The following SIPA1L3 variants were observed in gnomAD, a reference collection of about 807,000 sequenced individuals.
SIPA1L3 encodes signal-induced proliferation-associated 1-like protein 3.
A neutral mutation model predicts 150.1 loss-of-function variants in SIPA1L3; 59 were observed. The ratio of observed to expected loss-of-function variants is 0.39; its 90% confidence interval spans 0.32 to 0.49. SIPA1L3 has a LOEUF of 0.49. SIPA1L3 is among the 20% of genes least tolerant of loss of function. SIPA1L3 has a pLI of 0.86. For missense variants in SIPA1L3, 2,211 were observed against 2,489.5 expected, an observed-to-expected ratio of 0.89 and a Z score of 2.38; for synonymous variants, 1,070 against 1,077.6, an observed-to-expected ratio of 0.99 and a Z score of 0.14.
chr19:37,934,599 A>G (rs796577419), intron 1 of SIPA1L3, among the ~76,000 whole-genome samples: 41 of 152,270 alleles, frequency 2.7e-4, no homozygotes, highest in African/African-American at 9.1e-4. Flanking sequence ...AAGAAAGACA[A>G]TTCTTTTTAA....
intron 4 of SIPA1L3, among the ~76,000 whole-genome samples, chr19:38,098,931 A>T (rs558711000): frequency 1.3e-5 from 2 of 152,286 alleles, no homozygotes; most frequent in East Asian, 3.9e-4. Flanking sequence ...CCAAATTAGA[A>T]TCACTGGTGG....
chr19:38,010,604 G>A (rs1269181177), intron 1 of SIPA1L3, among the ~76,000 whole-genome samples: 1 of 152,058 alleles, frequency 6.6e-6, no homozygotes. Context: ...CCAGCAACTC[G>A]GGAGGCTGAG....
intron 4 of SIPA1L3, among the ~76,000 whole-genome samples, chr19:38,099,611 A>G (rs1378781746): frequency 6.6e-6 from 1 of 152,008 alleles, no homozygotes; most frequent in African/African-American, 2.4e-5. Flanking sequence ...CTAGAGTAGG[A>G]CTCAGTGCCT....
At chr19:37,917,589 T>G (rs541057832) in intron 1 of SIPA1L3, among the ~76,000 whole-genome samples, 1 of 152,228 alleles carries the variant, frequency 6.6e-6, no homozygotes, top group African/African-American at 2.4e-5. Context: ...GAGGCAGCAT[T>G]TGAGCTCAGG....
intron 14 of SIPA1L3, among the ~76,000 whole-genome samples, chr19:38,163,124 G>A (rs377630796): frequency 1.3e-5 from 2 of 152,290 alleles, no homozygotes; most frequent in South Asian, 2.1e-4. Context: ...GGACAGACCA[G>A]CCCTGTCCTC....
At chr19:37,943,343 C>T (rs547791439) in intron 1 of SIPA1L3, among the ~76,000 whole-genome samples, 70 of 152,164 alleles carry the variant, frequency 4.6e-4, no homozygotes, top group Admixed American at 4.5e-3. Flanking sequence ...ACCCACAGTC[C>T]GACCACGCTC....
At chr19:37,916,218 G>T (rs981483949) in intron 1 of SIPA1L3, among the ~76,000 whole-genome samples, 4 of 151,754 alleles carry the variant, frequency 2.6e-5, no homozygotes, top group African/African-American at 9.7e-5. Flanking sequence ...GTAGAGATGG[G>T]GTTTTACCAT....
chr19:38,036,414 C>T (rs1968787718), intron 2 of SIPA1L3, among the ~76,000 whole-genome samples: 1 of 152,252 alleles, frequency 6.6e-6, no homozygotes, highest in Admixed American at 6.5e-5. Flanking sequence ...GCTGTGATCC[C>T]TAAGGAGCGT....
At chr19:38,106,767 T>C in intron 7 of SIPA1L3, 127 bp downstream of exon 7, 1 of 660,176 alleles carries the variant, frequency 1.5e-6, no homozygotes, top group Non-Finnish European at 2.7e-6. Flanking sequence ...TTTACTATGG[T>C]CACTTTCCCT....
At chr19:37,992,062 C>CTCGTGGG (rs59084794) in intron 1 of SIPA1L3, among the ~76,000 whole-genome samples, 2 of 152,172 alleles carry the variant, frequency 1.3e-5, no homozygotes, top group Non-Finnish European at 2.9e-5. Context: ...GACAGGCATC[C>CTCGTGGG]ACGTGGCTAG....
chr19:38,178,732 T>C (rs1283503371), intron 15 of SIPA1L3, among the ~76,000 whole-genome samples: 1 of 152,146 alleles, frequency 6.6e-6, no homozygotes, highest in Non-Finnish European at 1.5e-5. Context: ...CGTCTTGGCC[T>C]CCCAAAGTGC....
intron 18 of SIPA1L3, among the ~76,000 whole-genome samples, chr19:38,196,540 A>G (rs1353490673): frequency 6.7e-6 from 1 of 149,804 alleles, no homozygotes; most frequent in East Asian, 2.0e-4. Flanking sequence ...AGGGCAGAGC[A>G]AGGAGGTCAA....
intron 1 of SIPA1L3, among the ~76,000 whole-genome samples, chr19:38,006,334 G>C (rs1967937832): frequency 6.6e-6 from 1 of 152,178 alleles, no homozygotes; most frequent in African/African-American, 2.4e-5. Flanking sequence ...AAGCAGACAG[G>C]GCCAATCATG....
intron 1 of SIPA1L3, among the ~76,000 whole-genome samples, chr19:37,913,439 G>A (rs2046391761): frequency 6.6e-6 from 1 of 152,064 alleles, no homozygotes; most frequent in African/African-American, 2.4e-5. Flanking sequence ...ATGGAGTCTC[G>A]CTGTCACCCA....
intron 10 of SIPA1L3, among the ~76,000 whole-genome samples, chr19:38,132,940 G>A (rs1363389099): frequency 4.6e-5 from 7 of 152,248 alleles, no homozygotes; most frequent in East Asian, 3.9e-4. Context: ...GAGCCACCGC[G>A]CCTGGCCTTT....
rs966167740 is a variant in SIPA1L3, at chr19:38,081,261, C to T, written c.-305C>T. On this transcript the variant is annotated 5_prime_UTR_variant, in exon 3 of 22. Transcript: ENST00000222345. ...TTCCTTTTCTTCCATTTCAGCATGGCGAGGACAACATCCTTGCTGCCTCCA... is the reference window on the plus strand; with the variant it reads ...TTCCTTTTCTTCCATTTCAGCATGGTGAGGACAACATCCTTGCTGCCTCCA... The T allele has an allele frequency of 4.8e-6, 2 of 413,528 alleles. No individual in the cohort carries two copies. Among genetic ancestry groups the T allele is most frequent in the African/African-American group, 2.0e-5 (1 of 49,108 alleles). 25.6% of individuals were successfully genotyped at this position (413,528 alleles called of 1,614,324 possible).
chr19:38,085,093 G>A (rs1275525613), intron 3 of SIPA1L3, among the ~76,000 whole-genome samples: 1 of 152,128 alleles, frequency 6.6e-6, no homozygotes, highest in Non-Finnish European at 1.5e-5. Flanking sequence ...CACGTGATAC[G>A]TTTTACCCTT....
chr19:38,104,986 C>T (rs1970589734), intron 6 of SIPA1L3, among the ~76,000 whole-genome samples: 1 of 152,144 alleles, frequency 6.6e-6, no homozygotes, highest in Non-Finnish European at 1.5e-5. Flanking sequence ...TTACCCGGCT[C>T]CCAACCTGGC....
chr19:37,974,289 G>C (rs1213460087), intron 1 of SIPA1L3, among the ~76,000 whole-genome samples: 1 of 152,096 alleles, frequency 6.6e-6, no homozygotes, highest in Non-Finnish European at 1.5e-5. Context: ...GGGAGGCCGA[G>C]GCAGGAGGAT....
Sources: gnomAD v4.1 joint callset for allele counts (sites outside exome capture counted in the v4.1 genomes callset) on GRCh38, gnomAD v4.1.1 for gene constraint, MANE v1.5 for transcripts, NCBI Gene and HGNC (gene_info 2026-07-23, HGNC 2026-07-21) for gene names.